The following NTRK2 variants were observed in gnomAD, a reference collection of about 807,000 sequenced individuals.
NTRK2 encodes the protein neurotrophic receptor tyrosine kinase 2.
Under a neutral mutation model 94.5 loss-of-function variants are expected in NTRK2, and 13 were observed. The ratio of observed to expected loss-of-function variants is 0.14; its 90% CI spans 0.09 to 0.22. The LOEUF (loss-of-function observed/expected upper bound fraction) is 0.22, where lower values mean the gene tolerates loss of function less well. NTRK2 is among the 10% of genes least tolerant of loss of function. The pLI is 1.00. For synonymous variants in NTRK2, 372 were observed against 407.4 expected (o/e 0.91, Z 1.05); for missense variants, 639 against 1,071.2 (o/e 0.60, Z 5.63).
At chr9:84,908,321 C>T (rs17087846) in intron 14 of NTRK2, among the ~76,000 whole-genome samples, 9,435 of 152,046 alleles carry the variant, frequency 0.062, 337 homozygotes, top group Admixed American at 0.097. Context: ...CTTGTCTGGT[C>T]ATTAAAATAG....
At chr9:84,877,465 C>T (rs199942886) in intron 14 of NTRK2, 7 of 1,065,886 alleles carry the variant, frequency 6.6e-6, no homozygotes, top group African/African-American at 1.6e-5. Flanking sequence ...ACCCTGCTGG[C>T]TAATGGGCAC....
Position 84,707,887 on chromosome 9 carries a change from T to C in NTRK2, c.403T>C (p.Phe135Leu), listed in dbSNP as rs1429261165. The change falls in exon 5 of 19, where the codon TTC becomes CTC. Residue 135 changes from phenylalanine to leucine, a missense_variant. By Grantham distance (22) the Phe-to-Leu change is conservative. Coordinates refer to ENST00000277120, the MANE Select transcript of NTRK2 (RefSeq NM_006180.6). ...ACTGACGAGTTTGTCTAGGAAACAT[T>C]TCCGTCACCTTGACTTGTCTGAACT... Reference protein sequence around the residue: ...NKLTSLSRKHFRHLDLSELIL... With the variant: ...NKLTSLSRKHLRHLDLSELIL... 1.2e-6 allele frequency: 2 copies of C among 1,612,930 alleles called. No homozygotes were observed. Among genetic ancestry groups the C allele is most frequent in the South Asian group, 2.2e-5 (2 of 90,976 alleles).
chr9:84,765,365 T>TA (rs998422277), intron 12 of NTRK2, among the ~76,000 whole-genome samples: 3 of 152,128 alleles, frequency 2.0e-5, no homozygotes, highest in Admixed American at 6.6e-5. Flanking sequence ...AAACAATAAA[T>TA]AAAAAAGAGT....
At chr9:84,704,430 A>T (rs143407628) in intron 4 of NTRK2, among the ~76,000 whole-genome samples, 4 of 151,102 alleles carry the variant, frequency 2.6e-5, no homozygotes, top group African/African-American at 9.7e-5. Context: ...GTTTCACCGC[A>T]TTAGCCAGGA....
At chr9:84,676,785 C>A (rs571619492) in intron 2 of NTRK2, among the ~76,000 whole-genome samples, 42 of 152,172 alleles carry the variant, frequency 2.8e-4, no homozygotes, top group African/African-American at 9.9e-4. Context: ...TACTTTTGCA[C>A]CAACCTAATA....
intron 14 of NTRK2, chr9:84,873,061 A>T: frequency 9.4e-7 from 1 of 1,063,914 alleles, no homozygotes; most frequent in Non-Finnish European, 1.1e-6. Context: ...CATTAGATCA[A>T]AGAGTGCGGG....
intron 2 of NTRK2, among the ~76,000 whole-genome samples, chr9:84,692,939 A>G (rs1433991485): frequency 6.6e-6 from 1 of 152,148 alleles, no homozygotes; most frequent in African/African-American, 2.4e-5. Context: ...AAATCTTTCC[A>G]TGGGCCAGTG....
chr9:85,020,117 A>G (rs2117913813), intron 17 of NTRK2, 89 bp from the exon 18 acceptor site: 1 of 1,394,696 alleles, frequency 7.2e-7, no homozygotes, highest in South Asian at 1.2e-5. Context: ...AAGTGCAAAT[A>G]AGGAAAGCAA....
chr9:84,852,448 G>A (rs1462135161), intron 12 of NTRK2, among the ~76,000 whole-genome samples: 1 of 152,192 alleles, frequency 6.6e-6, no homozygotes, highest in Non-Finnish European at 1.5e-5. Flanking sequence ...CACTGGGGTG[G>A]TACTGTAGAA....
chr9:84,804,202 A>G (rs716893), intron 12 of NTRK2, among the ~76,000 whole-genome samples: 86,021 of 151,738 alleles, frequency 0.57, 26,153 homozygotes, highest in East Asian at 0.71. Flanking sequence ...TATTATCTCT[A>G]TTTTTACTCT....
intron 12 of NTRK2, among the ~76,000 whole-genome samples, chr9:84,776,166 GA>G (rs2067016419): frequency 1.3e-5 from 2 of 150,948 alleles, no homozygotes; most frequent in African/African-American, 2.4e-5. Context: ...GATAGATATA[GA>G]TATAAATATA....
chr9:84,695,501 C>T (rs2060322943), intron 2 of NTRK2, among the ~76,000 whole-genome samples: 1 of 152,136 alleles, frequency 6.6e-6, no homozygotes, highest in Admixed American at 6.5e-5. Flanking sequence ...TCCAAAAAGC[C>T]AGCTATAAGC....
At chr9:84,962,711 C>T (rs369097600) in intron 17 of NTRK2, among the ~76,000 whole-genome samples, 62 of 152,240 alleles carry the variant, frequency 4.1e-4, no homozygotes, top group African/African-American at 1.3e-3. Context: ...GTTGGGCCTC[C>T]GCTTTCTCGT....
In NTRK2 at chr9:84,702,327, T is replaced by A. The variant is rs202015014; in HGVS notation, c.288-21T>A. 8 of 1,613,666 alleles carry A rather than the reference T, an allele frequency of 5.0e-6. No homozygotes were observed. The East Asian group carries it at 1.3e-4, about 27-fold the overall frequency. ...ATTCACTGGTTCGTTCTAATGTGCA[T>A]GAAATTATGTGTTTTCACAGGACAA... is the stretch of plus-strand genomic sequence containing the variant. On this transcript the variant is annotated intron_variant, in intron 3 of 18. Transcript: ENST00000277120.
chr9:84,841,656 T>C (rs543254486), intron 12 of NTRK2, among the ~76,000 whole-genome samples: 3 of 152,308 alleles, frequency 2.0e-5, no homozygotes, highest in East Asian at 3.9e-4. Context: ...TTGTTTTCAA[T>C]TGCAGCCCTT....
chr9:84,723,783 G>A (rs2062238017), intron 7 of NTRK2, 74 bp downstream of exon 7: 1 of 1,573,484 alleles, frequency 6.4e-7, no homozygotes, highest in Non-Finnish European at 8.7e-7. Flanking sequence ...ATTAAACCTA[G>A]TGATGATCAT....
intron 16 of NTRK2, among the ~76,000 whole-genome samples, chr9:84,951,880 C>G (rs765253404): frequency 1.3e-5 from 2 of 152,186 alleles, no homozygotes; most frequent in South Asian, 4.1e-4. Flanking sequence ...CAGATGTCTT[C>G]TCTTGTCTCC....
intron 12 of NTRK2, among the ~76,000 whole-genome samples, chr9:84,766,818 A>G (rs937496581): frequency 6.6e-6 from 1 of 152,118 alleles, no homozygotes; most frequent in Non-Finnish European, 1.5e-5. Flanking sequence ...TACAACACAC[A>G]CACAACACAT....
intron 12 of NTRK2, among the ~76,000 whole-genome samples, chr9:84,809,237 G>T (rs910669280): frequency 2.0e-5 from 3 of 151,988 alleles, no homozygotes; most frequent in Non-Finnish European, 4.4e-5. Context: ...CATTTATTGA[G>T]CAAATTATTT....
Sources: gnomAD v4.1 joint callset for allele counts (sites outside exome capture counted in the v4.1 genomes callset) on GRCh38, gnomAD v4.1.1 for gene constraint, MANE v1.5 for transcripts, NCBI Gene and HGNC (gene_info 2026-07-23, HGNC 2026-07-21) for gene names.